Variants in VPS35L observed in about 807,000 individuals in gnomAD.
VPS35L encodes the protein VPS35 endosomal protein-sorting factor-like.
A neutral mutation model predicts 133.0 loss-of-function variants in VPS35L; 83 were observed. The observed-to-expected ratio is 0.62, with a 90% CI of 0.52 to 0.75. The LOEUF (loss-of-function observed/expected upper bound fraction) is 0.75. VPS35L is among the 30% of genes least tolerant of loss of function. The probability of loss-of-function intolerance (pLI) is 0.00; values close to 1 mark genes in which losing one functional copy is unlikely to be tolerated. For synonymous variants in VPS35L, 423 were observed against 449.9 expected (o/e 0.94, Z 0.76); for missense variants, 1,083 against 1,206.8 (o/e 0.90, Z 1.52).
In VPS35L at chr16:19,557,556, T is replaced by C. The variant is rs368793481; in HGVS notation, c.17+1810T>C. On this transcript the variant is annotated intron_variant, in intron 1 of 30. Coordinates refer to ENST00000417362, the MANE Select transcript of VPS35L (RefSeq NM_020314.7). ...TGCCACCACACCAGGCTAATTTTTG[T>C]ATTTTTAGTAGAGACGGTGTTTCAT... Among the ~76,000 whole-genome samples the C allele has an allele frequency of 1.7e-4, 26 of 152,228 alleles. No homozygotes were observed. The East Asian group carries it at 4.9e-3, about 29-fold the overall frequency.
At chr16:19,603,588 G>A (rs189940676) in intron 9 of VPS35L, among the ~76,000 whole-genome samples, 42 of 152,258 alleles carry the variant, frequency 2.8e-4, no homozygotes, top group Non-Finnish European at 4.7e-4. Flanking sequence ...CACCTGTGAC[G>A]ATGTTTTTTC....
At chr16:19,648,108 C>T (rs971730887) in intron 24 of VPS35L, among the ~76,000 whole-genome samples, 3 of 152,058 alleles carry the variant, frequency 2.0e-5, no homozygotes, top group Admixed American at 6.6e-5. Flanking sequence ...GCTCAAGCCA[C>T]GATGCCCAGC....
In VPS35L at chr16:19,627,785, G is replaced by C. The variant is rs1321184382; in HGVS notation, c.1363G>C (p.Asp455His). The C allele has an allele frequency of 6.2e-7, 1 of 1,612,796 alleles. No homozygotes were observed. Residue 455 changes from aspartate (D) to histidine (H), a missense_variant, in exon 16 of 31, where the codon GAT becomes CAT. Asp to His is a moderately conservative substitution (Grantham distance 81). Transcript: ENST00000417362. Reference sequence around the variant, plus strand: ...TTTCATTGGCATGATTAAAGAGTGTGATGAATCTGGTTTCCCCAAGGTAGG... The same window carrying C: ...TTTCATTGGCATGATTAAAGAGTGTCATGAATCTGGTTTCCCCAAGGTAGG... ...MDFIGMIKEC[D>H]ESGFPKHLLF... is the part of the protein sequence containing the mutation.
chr16:19,654,333 C>G (rs1471574610), intron 26 of VPS35L, among the ~76,000 whole-genome samples: 5 of 151,742 alleles, frequency 3.3e-5, no homozygotes, highest in African/African-American at 1.2e-4. Context: ...TCTCTGATAC[C>G]CCCTCTCCCC....
chr16:19,555,780 G>C (rs1307299759), intron 1 of VPS35L, 34 bp downstream of exon 1: 2 of 1,550,868 alleles, frequency 1.3e-6, no homozygotes, highest in African/African-American at 1.4e-5. Context: ...CTTTGGAGAG[G>C]GGCTGTCCTT....
chr16:19,646,367 G>T (rs1353936657), intron 23 of VPS35L, among the ~76,000 whole-genome samples: 1 of 152,130 alleles, frequency 6.6e-6, no homozygotes, highest in Admixed American at 6.5e-5. Flanking sequence ...TAAGGCCAAG[G>T]CTTAGAAATC....
intron 18 of VPS35L, among the ~76,000 whole-genome samples, chr16:19,631,944 G>A (rs1031058320): frequency 6.3e-5 from 9 of 142,208 alleles, no homozygotes; most frequent in African/African-American, 2.5e-4. Context: ...TTATTCTAAG[G>A]AAAAAAGTTA....
At chr16:19,576,937 C>T (rs1320120268) in intron 5 of VPS35L, among the ~76,000 whole-genome samples, 1 of 152,068 alleles carries the variant, frequency 6.6e-6, no homozygotes, top group African/African-American at 2.4e-5. Flanking sequence ...AAACTCTTGA[C>T]CTCAAGTGGT....
intron 9 of VPS35L, among the ~76,000 whole-genome samples, chr16:19,607,223 A>G (rs1165112684): frequency 6.6e-6 from 1 of 152,240 alleles, no homozygotes; most frequent in Non-Finnish European, 1.5e-5. Flanking sequence ...TCAAAATAAC[A>G]GTAATGAAGG....
At chr16:19,615,688 G>T (rs1972864330) in intron 12 of VPS35L, among the ~76,000 whole-genome samples, 1 of 150,878 alleles carries the variant, frequency 6.6e-6, no homozygotes, top group Non-Finnish European at 1.5e-5. Context: ...AAAAAAATAG[G>T]CCGGGCGCTG....
intron 26 of VPS35L, among the ~76,000 whole-genome samples, chr16:19,654,142 T>C (rs999111154): frequency 1.3e-5 from 2 of 152,150 alleles, no homozygotes; most frequent in African/African-American, 4.8e-5. Flanking sequence ...TGTATTTTTT[T>C]TGAATTACAA....
chr16:19,578,442 A>T (rs942651922), intron 5 of VPS35L: 2 of 388,758 alleles, frequency 5.1e-6, no homozygotes, highest in Admixed American at 6.7e-5. Flanking sequence ...AGACGGCCGC[A>T]GAGGGCAGCA....
chr16:19,693,393 C>T (rs1036208793), intron 29 of VPS35L, among the ~76,000 whole-genome samples: 2 of 152,014 alleles, frequency 1.3e-5, no homozygotes, highest in Non-Finnish European at 2.9e-5. Flanking sequence ...GTAATCCCAA[C>T]ATTTTGGGAG....
intron 1 of VPS35L, among the ~76,000 whole-genome samples, chr16:19,557,014 C>T (rs1275371831): frequency 1.3e-5 from 2 of 152,074 alleles, no homozygotes; most frequent in Non-Finnish European, 2.9e-5. Flanking sequence ...CACCTGTAAT[C>T]CCAGCTACTT....
chr16:19,683,139 T>TCTCAAACGCCTGGG (rs1975346270), intron 28 of VPS35L, among the ~76,000 whole-genome samples: 1 of 152,022 alleles, frequency 6.6e-6, no homozygotes, highest in Non-Finnish European at 1.5e-5. Flanking sequence ...GTTACGCTGG[T>TCTCAAACGCCTGGG]CTCAAACGCC....
At chr16:19,579,368 G>A in intron 6 of VPS35L, 1 of 460,160 alleles carries the variant, frequency 2.2e-6, no homozygotes, top group African/African-American at 2.0e-5. Flanking sequence ...CCTGAGCAAG[G>A]CTGGGTCGCC....
At chr16:19,682,142 G>T (rs1975301979) in intron 27 of VPS35L, 83 bp from the exon 28 acceptor site, 1 of 1,458,686 alleles carries the variant, frequency 6.9e-7, no homozygotes, top group South Asian at 1.2e-5. Context: ...GCTGCGGGAG[G>T]ATCTGGGCTT....
At chr16:19,557,093 C>T (rs1009003214) in intron 1 of VPS35L, among the ~76,000 whole-genome samples, 3 of 152,086 alleles carry the variant, frequency 2.0e-5, no homozygotes, top group Non-Finnish European at 4.4e-5. Context: ...GATCATGCCA[C>T]TGCACTCCAG....
intron 22 of VPS35L, among the ~76,000 whole-genome samples, chr16:19,643,661 T>C (rs1973853109): frequency 6.6e-6 from 1 of 152,028 alleles, no homozygotes; most frequent in African/African-American, 2.4e-5. Context: ...AAGAACAAAG[T>C]GGGGCTGGGC....
Sources: gnomAD v4.1 joint callset for allele counts (sites outside exome capture counted in the v4.1 genomes callset) on GRCh38, gnomAD v4.1.1 for gene constraint, MANE v1.5 for transcripts, NCBI Gene and HGNC (gene_info 2026-07-23, HGNC 2026-07-21) for gene names.